The following ACSS3 variants were observed in gnomAD, a reference collection of about 807,000 sequenced individuals.
ACSS3 encodes the protein acyl-CoA synthetase short chain family member 3, also known as acyl-CoA synthetase short-chain family member 3, mitochondrial.
A neutral mutation model predicts 84.2 loss-of-function variants in ACSS3; 64 were observed. That is an observed-to-expected ratio of 0.76 (90% CI 0.62 to 0.94). ACSS3 has a LOEUF of 0.94. Among genes scored for constraint, ACSS3 ranks in the 40% least tolerant of loss-of-function variants. The pLI is 0.00. For missense variants in ACSS3, 815 were observed against 867.6 expected, an observed-to-expected ratio of 0.94 and a Z score of 0.76; for synonymous variants, 317 against 310.1, an observed-to-expected ratio of 1.02 and a Z score of -0.23.
At chr12:81,151,749 C>G in intron 5 of ACSS3, 95 bp from the exon 6 acceptor site, 3 of 1,062,672 alleles carry the variant, frequency 2.8e-6, no homozygotes, top group Non-Finnish European at 4.1e-6. Flanking sequence ...ATATAAAATA[C>G]TTTTGACCAG....
chr12:81,144,903 C>CT (rs1292727483), intron 5 of ACSS3, among the ~76,000 whole-genome samples: 83,134 of 116,814 alleles, frequency 0.71, 32,078 homozygotes, highest in Non-Finnish European at 0.84. Context: ...TTTTTCTTTT[C>CT]TTTTTTTTTT....
chr12:81,242,170 G>T (rs2033828354), intron 13 of ACSS3, among the ~76,000 whole-genome samples: 1 of 152,056 alleles, frequency 6.6e-6, no homozygotes, highest in Admixed American at 6.5e-5. Flanking sequence ...AAATGATAAA[G>T]GGGATATCAC....
intron 7 of ACSS3, among the ~76,000 whole-genome samples, chr12:81,153,059 A>G (rs1331275730): frequency 6.6e-6 from 1 of 151,936 alleles, no homozygotes; most frequent in Non-Finnish European, 1.5e-5. Context: ...AAAAAAAATC[A>G]CTAAATTACT....
intron 2 of ACSS3, among the ~76,000 whole-genome samples, chr12:81,111,227 C>T (rs1166559611): frequency 6.6e-6 from 1 of 152,040 alleles, no homozygotes; most frequent in Non-Finnish European, 1.5e-5. Context: ...TAAGAAGAAC[C>T]CACAAATTGT....
chr12:81,175,794 C>T lies in ACSS3; in HGVS notation c.1250+855C>T, dbSNP rs148445189. Among the ~76,000 whole-genome samples the T allele has an allele frequency of 2.1e-3, 325 of 152,220 alleles. 1 individual carries two copies. Among genetic ancestry groups the T allele is most frequent in the African/African-American group, 7.1e-3 (296 of 41,544 alleles). ...AAATTAAGGTAGAAATCAAGAAATC[C>T]TTTGAACTGAATGAAAACAAATGTA... On this transcript the variant is annotated intron_variant, in intron 8 of 15. Coordinates refer to ENST00000548058, the MANE Select transcript of ACSS3 (RefSeq NM_024560.4).
At chr12:81,240,254 G>A (rs563622908) in intron 13 of ACSS3, among the ~76,000 whole-genome samples, 1 of 151,782 alleles carries the variant, frequency 6.6e-6, no homozygotes, top group African/African-American at 2.4e-5. Flanking sequence ...ATGCCCTAAG[G>A]ATCATCATGC....
At chr12:81,231,761 T>TA (rs2033473649) in intron 12 of ACSS3, among the ~76,000 whole-genome samples, 2 of 151,830 alleles carry the variant, frequency 1.3e-5, no homozygotes, top group South Asian at 4.1e-4. Flanking sequence ...TGAAACTTGT[T>TA]ACTCCATGCC....
intron 13 of ACSS3, among the ~76,000 whole-genome samples, chr12:81,239,613 CTT>C (rs2033729254): frequency 1.3e-5 from 2 of 151,732 alleles, no homozygotes. Flanking sequence ...GGGGAACTCT[CTT>C]TATAAAACCA....
rs1043256758 is a variant in ACSS3 at position 81,175,198 on chromosome 12, T to C, written c.1250+259T>C. ...TTTCTTTTTAAAATCACTCTTGTTA[T>C]ATTTTCCTTAAAAGGTAAAATGCCA... On this transcript the variant is annotated intron_variant, in intron 8 of 15. Coordinates refer to ENST00000548058, the MANE Select transcript of ACSS3 (RefSeq NM_024560.4). Among the ~76,000 whole-genome samples the C allele has an allele frequency of 2.0e-5, 3 of 152,188 alleles. 1 individual carries two copies. Among genetic ancestry groups the C allele is most frequent in the African/African-American group, 7.2e-5 (3 of 41,440 alleles).
intron 10 of ACSS3, among the ~76,000 whole-genome samples, chr12:81,218,938 TAAAA>T (rs930063555): frequency 1.3e-5 from 2 of 150,522 alleles, no homozygotes; most frequent in African/African-American, 2.4e-5. Flanking sequence ...AGTATAATAA[TAAAA>T]AAAAACGCAG....
At chr12:81,115,545 C>T (rs915378683) in intron 2 of ACSS3, among the ~76,000 whole-genome samples, 1 of 152,106 alleles carries the variant, frequency 6.6e-6, no homozygotes, top group African/African-American at 2.4e-5. Context: ...AAGCAATCCT[C>T]CCGTCTCAGC....
At chr12:81,175,122 G>C (rs2030377784) in intron 8 of ACSS3, among the ~76,000 whole-genome samples, 183 bp downstream of exon 8, 1 of 152,124 alleles carries the variant, frequency 6.6e-6, no homozygotes, top group Non-Finnish European at 1.5e-5. Context: ...TCTGCTTAGA[G>C]ATTTTAAAAT....
intron 13 of ACSS3, among the ~76,000 whole-genome samples, chr12:81,247,031 T>C (rs2034004614): frequency 6.6e-6 from 1 of 150,504 alleles, no homozygotes; most frequent in South Asian, 2.1e-4. Context: ...GTTTCTTAAA[T>C]GTGATTTTTT....
chr12:81,147,281 C>A (rs1886386432), intron 5 of ACSS3, among the ~76,000 whole-genome samples: 1 of 152,192 alleles, frequency 6.6e-6, no homozygotes, highest in Admixed American at 6.5e-5. Context: ...CTAAGTTCTA[C>A]AAGTGTCAAG....
chr12:81,251,793 T>G (rs1049705903), intron 13 of ACSS3, among the ~76,000 whole-genome samples: 2 of 152,016 alleles, frequency 1.3e-5, no homozygotes, highest in African/African-American at 4.8e-5. Flanking sequence ...CAGTGATCTA[T>G]GAACATGCCA....
intron 8 of ACSS3, among the ~76,000 whole-genome samples, chr12:81,181,901 A>G (rs927517286): frequency 6.6e-6 from 1 of 152,170 alleles, no homozygotes; most frequent in Non-Finnish European, 1.5e-5. Context: ...AAGACAGCCT[A>G]TGAGATTTAT....
At chr12:81,107,624 AC>A (rs1883185239) in intron 1 of ACSS3, among the ~76,000 whole-genome samples, 2 of 145,298 alleles carry the variant, frequency 1.4e-5, no homozygotes, top group Non-Finnish European at 3.0e-5. Context: ...TGACAACTTT[AC>A]CTTTTTGTTG....
intron 7 of ACSS3, among the ~76,000 whole-genome samples, chr12:81,168,740 C>T (rs1228888572): frequency 3.9e-5 from 6 of 152,156 alleles, no homozygotes; most frequent in African/African-American, 7.2e-5. Flanking sequence ...CCAGTAATTT[C>T]CCCTGTATAT....
Position 81,207,204 on chromosome 12 carries a change from G to C in ACSS3, c.1354+7760G>C, listed in dbSNP as rs1198626980. Among the ~76,000 whole-genome samples the C allele has an allele frequency of 2.0e-5, 3 of 152,128 alleles. No individual in the cohort carries two copies. The East Asian group carries it at 5.8e-4, about 29-fold the overall frequency. ...TTTTTATAGATCTTCACAAGAGCAAGAGTTATCTATACCTTCCCTTGACAA... is the reference window on the plus strand; with the variant it reads ...TTTTTATAGATCTTCACAAGAGCAACAGTTATCTATACCTTCCCTTGACAA... On this transcript the variant is annotated intron_variant, in intron 9 of 15. Coordinates refer to ENST00000548058, the MANE Select transcript of ACSS3 (RefSeq NM_024560.4).
Sources: gnomAD v4.1 joint callset for allele counts (sites outside exome capture counted in the v4.1 genomes callset) on GRCh38, gnomAD v4.1.1 for gene constraint, MANE v1.5 for transcripts, NCBI Gene and HGNC (gene_info 2026-07-23, HGNC 2026-07-21) for gene names.